ADK: variants seen among roughly 807,000 people sequenced by gnomAD.
The protein encoded by ADK is N6,N6-dimethyladenosine kinase.
A neutral mutation model predicts 44.7 loss-of-function variants in ADK; 24 were observed. The ratio of observed to expected loss-of-function variants is 0.54; its 90% CI spans 0.39 to 0.76. ADK has a LOEUF of 0.76. Ranked by LOEUF, ADK falls within the 30% of genes least tolerant of loss-of-function variation. The pLI is 0.00. For synonymous variants in ADK, 128 were observed against 142.6 expected (o/e 0.90, Z 0.73); for missense variants, 321 against 425.1 (o/e 0.76, Z 2.15).
intron 9 of ADK, among the ~76,000 whole-genome samples, chr10:74,659,190 C>T (rs1854603815): frequency 2.0e-5 from 3 of 152,178 alleles, no homozygotes; most frequent in Admixed American, 2.0e-4. Flanking sequence ...TGCACCCCAG[C>T]CTGGGTGACA....
At chr10:74,673,819 GA>G (rs1855279768) in intron 10 of ADK, among the ~76,000 whole-genome samples, 1 of 152,150 alleles carries the variant, frequency 6.6e-6, no homozygotes, top group Non-Finnish European at 1.5e-5. Context: ...CTCTCAACAG[GA>G]AGGGGAGCTG....
At chr10:74,300,323 C>CTTCCTTCCTT (rs1839982190) in intron 3 of ADK, among the ~76,000 whole-genome samples, 1 of 108,998 alleles carries the variant, frequency 9.2e-6, no homozygotes, top group Non-Finnish European at 1.9e-5. Flanking sequence ...TCCTTCCTTC[C>CTTCCTTCCTT]TTCCTTCCTT....
At chr10:74,382,727 C>G (rs560111834) in intron 4 of ADK, among the ~76,000 whole-genome samples, 1 of 152,048 alleles carries the variant, frequency 6.6e-6, no homozygotes, top group South Asian at 2.1e-4. Context: ...AAATGAGTTT[C>G]TTGTTTAATT....
At chr10:74,274,732 G>GTGTGTATATATA (rs1554836801) in intron 3 of ADK, among the ~76,000 whole-genome samples, 8 of 84,168 alleles carry the variant, frequency 9.5e-5, no homozygotes, top group East Asian at 5.5e-4. Context: ...TTTAATGTGT[G>GTGTGTATATATA]TATATATATA....
At chr10:74,384,495 C>T (rs897081192) in intron 4 of ADK, among the ~76,000 whole-genome samples, 49 of 152,162 alleles carry the variant, frequency 3.2e-4, no homozygotes, top group Admixed American at 2.2e-3. Context: ...CATGGTGGAA[C>T]CCCACCTCTA....
chr10:74,186,849 A>G (rs1278364939), intron 1 of ADK, among the ~76,000 whole-genome samples: 1 of 152,182 alleles, frequency 6.6e-6, no homozygotes, highest in East Asian at 1.9e-4. Context: ...GTATGTAGCA[A>G]CAAGTCTTCT....
intron 9 of ADK, among the ~76,000 whole-genome samples, chr10:74,625,697 A>G (rs1471033009): frequency 6.6e-6 from 1 of 152,174 alleles, no homozygotes; most frequent in Non-Finnish European, 1.5e-5. Context: ...GACAAATGTG[A>G]TAGGGTTAGA....
chr10:74,516,862 T>G (rs1640420208), intron 6 of ADK: 1 of 163,416 alleles, frequency 6.1e-6, no homozygotes, highest in East Asian at 1.8e-4. Flanking sequence ...AGTGTGTGTA[T>G]TAGTCTGTTT....
intron 3 of ADK, among the ~76,000 whole-genome samples, chr10:74,290,656 G>A (rs1240858672): frequency 6.6e-6 from 1 of 151,180 alleles, no homozygotes; most frequent in East Asian, 1.9e-4. Context: ...TTTTTGCTGA[G>A]TGCTTAAAGA....
chr10:74,333,914 G>A (rs1392593719), intron 4 of ADK, among the ~76,000 whole-genome samples: 1 of 151,726 alleles, frequency 6.6e-6, no homozygotes, highest in Non-Finnish European at 1.5e-5. Context: ...GTTTTTTTAA[G>A]GGAAGATTTA....
chr10:74,614,848 T>C (rs1852690911), intron 9 of ADK, among the ~76,000 whole-genome samples: 1 of 152,226 alleles, frequency 6.6e-6, no homozygotes. Context: ...TCCTTGAGTG[T>C]CTTTGCTTCT....
At chr10:74,653,114 T>C (rs187351656) in intron 9 of ADK, among the ~76,000 whole-genome samples, 290 of 152,250 alleles carry the variant, frequency 1.9e-3, no homozygotes, top group Non-Finnish European at 3.1e-3. Flanking sequence ...ACCTCAGAGA[T>C]GTCTGGCTAG....
At chr10:74,697,617 A>G (rs1279240174) in intron 10 of ADK, among the ~76,000 whole-genome samples, 1 of 152,234 alleles carries the variant, frequency 6.6e-6, no homozygotes. Flanking sequence ...AAGGAACTAT[A>G]AATAGAAAAG....
intron 6 of ADK, among the ~76,000 whole-genome samples, chr10:74,501,753 G>A (rs1315929395): frequency 6.6e-6 from 1 of 152,116 alleles, no homozygotes; most frequent in Non-Finnish European, 1.5e-5. Flanking sequence ...CAGACATAAA[G>A]GATCACATAT....
At chr10:74,352,027 A>G (rs1841978647) in intron 4 of ADK, among the ~76,000 whole-genome samples, 3 of 152,128 alleles carry the variant, frequency 2.0e-5, no homozygotes, top group Admixed American at 2.0e-4. Flanking sequence ...ATTCCCATCA[A>G]GCTTCCATTG....
At chr10:74,604,336 C>A (rs892139276) in intron 9 of ADK, among the ~76,000 whole-genome samples, 5 of 152,104 alleles carry the variant, frequency 3.3e-5, no homozygotes, top group African/African-American at 9.7e-5. Context: ...ATGCCTATGT[C>A]CTGAATGGTA....
intron 4 of ADK, among the ~76,000 whole-genome samples, chr10:74,346,044 G>A (rs953819844): frequency 6.6e-6 from 1 of 152,128 alleles, no homozygotes; most frequent in African/African-American, 2.4e-5. Flanking sequence ...GCAGGTACAT[G>A]CCACGACCTG....
intron 9 of ADK, among the ~76,000 whole-genome samples, chr10:74,667,300 C>T (rs562816725): frequency 3.0e-4 from 45 of 151,998 alleles, no homozygotes; most frequent in East Asian, 1.4e-3. Flanking sequence ...GAGTTTATGA[C>T]GCATCTTTTG....
intron 10 of ADK, among the ~76,000 whole-genome samples, chr10:74,699,127 G>T (rs1475656221): frequency 6.8e-6 from 1 of 146,682 alleles, no homozygotes; most frequent in Non-Finnish European, 1.5e-5. Flanking sequence ...TAGAGGTGAG[G>T]CATGAGCCAC....
Sources: gnomAD v4.1 joint callset for allele counts (sites outside exome capture counted in the v4.1 genomes callset) on GRCh38, gnomAD v4.1.1 for gene constraint, MANE v1.5 for transcripts, NCBI Gene and HGNC (gene_info 2026-07-23, HGNC 2026-07-21) for gene names.